TECPR2: variants seen among roughly 807,000 people sequenced by gnomAD.
The protein encoded by TECPR2 is tectonin beta-propeller repeat-containing protein 2.
TECPR2 carries 65 observed loss-of-function variants against 138.1 expected under a neutral mutation model. The ratio of observed to expected loss-of-function variants is 0.47; its 90% CI spans 0.39 to 0.58. The LOEUF (loss-of-function observed/expected upper bound fraction) is 0.58, where lower values mean the gene tolerates loss of function less well. Ranked by LOEUF, TECPR2 falls within the 20% of genes least tolerant of loss-of-function variation. The pLI is 0.00. For synonymous variants in TECPR2, 746 were observed against 749.8 expected (o/e 0.99, Z 0.08); for missense variants, 1,553 against 1,824.5 (o/e 0.85, Z 2.71).
Position 102,407,379 on chromosome 14 carries a change from C to T in TECPR2, c.261C>T (p.Cys87=), listed in dbSNP as rs747135064. 1 of 1,613,548 alleles carries T rather than the reference C, an allele frequency of 6.2e-7. No individual in the cohort carries two copies. Among genetic ancestry groups the T allele is most frequent in the Non-Finnish European group, 8.5e-7 (1 of 1,179,802 alleles). ...ESITVVKLLS[C]FDDLVAAGTA... is the part of the protein sequence containing the mutation. The stretch of plus-strand genomic sequence containing the variant: ...TCACTGTGGTGAAGCTGCTGAGCTG[C>T]TTTGATGACCTGGTGGCAGCAGGCA... Residue 87 remains cysteine, a synonymous_variant, in exon 3 of 20, where the codon TGC becomes TGT. Transcript: ENST00000359520.
At chr14:102,366,434 C>T (rs532974878) in intron 1 of TECPR2, among the ~76,000 whole-genome samples, 26 of 152,310 alleles carry the variant, frequency 1.7e-4, no homozygotes, top group African/African-American at 5.8e-4. Context: ...GCAGCCTCCA[C>T]CTCCCAGGTT....
intron 17 of TECPR2, among the ~76,000 whole-genome samples, chr14:102,481,501 G>A (rs903662797): frequency 7.2e-5 from 11 of 152,170 alleles, no homozygotes; most frequent in African/African-American, 2.2e-4. Flanking sequence ...GTGGTGGTAT[G>A]TGCCTCTAGT....
At chr14:102,383,160 G>A (rs1275179925) in intron 2 of TECPR2, among the ~76,000 whole-genome samples, 1 of 152,164 alleles carries the variant, frequency 6.6e-6, no homozygotes, top group African/African-American at 2.4e-5. Context: ...AGATTCTCTT[G>A]TGCTACCTCC....
intron 16 of TECPR2, among the ~76,000 whole-genome samples, chr14:102,462,798 C>T (rs1890438570): frequency 6.6e-6 from 1 of 152,228 alleles, no homozygotes; most frequent in Admixed American, 6.5e-5. Flanking sequence ...ACTAGATTTA[C>T]AATGCACGTA....
Position 102,443,590 on chromosome 14 carries a change from A to G in TECPR2, c.2753-57A>G. On this transcript the variant is annotated intron_variant, in intron 11 of 19. Coordinates refer to ENST00000359520, the MANE Select transcript of TECPR2 (RefSeq NM_014844.5). The surrounding 1 kb of genome is among the most constrained non-coding windows in gnomAD (Gnocchi z 4.9). ...AAAATAAGCCAATAACCAAGTCAAA[A>G]TGAGGTGTGGAGTTCTGACTGTGTG... 8 of 1,382,000 alleles carry G rather than the reference A, an allele frequency of 5.8e-6. No homozygotes were observed. Among genetic ancestry groups the G allele is most frequent in the Non-Finnish European group, 7.6e-6 (8 of 1,051,966 alleles). 85.6% of individuals were successfully genotyped at this position (1,382,000 alleles called of 1,614,324 possible).
chr14:102,391,982 T>TG (rs1888188745), intron 2 of TECPR2, among the ~76,000 whole-genome samples: 1 of 152,078 alleles, frequency 6.6e-6, no homozygotes, highest in African/African-American at 2.4e-5. Context: ...TTTTGTTTGT[T>TG]TTTTGTTTTG....
intron 2 of TECPR2, among the ~76,000 whole-genome samples, chr14:102,382,089 C>T (rs559347048): frequency 3.9e-5 from 6 of 152,186 alleles, no homozygotes; most frequent in South Asian, 4.1e-4. Flanking sequence ...GTCAGGAGAT[C>T]GAGACCATCC....
intron 17 of TECPR2, among the ~76,000 whole-genome samples, chr14:102,467,105 T>C (rs1890562192): frequency 6.6e-6 from 1 of 152,224 alleles, no homozygotes. Context: ...TATTGGCTAC[T>C]GTGAATAATG....
chr14:102,480,854 T>TTG, intron 17 of TECPR2, among the ~76,000 whole-genome samples: 1 of 133,552 alleles, frequency 7.5e-6, no homozygotes, highest in Non-Finnish European at 1.6e-5. Flanking sequence ...TTTTTTTTTT[T>TTG]TTTTTTTTTT....
intron 17 of TECPR2, among the ~76,000 whole-genome samples, chr14:102,475,026 G>A (rs1433291380): frequency 6.6e-6 from 1 of 152,148 alleles, no homozygotes; most frequent in African/African-American, 2.4e-5. Flanking sequence ...ACAGAGCAGC[G>A]GCAAGAACAG....
chr14:102,477,862 G>C (rs1344958521), intron 17 of TECPR2, among the ~76,000 whole-genome samples: 1 of 141,242 alleles, frequency 7.1e-6, no homozygotes, highest in East Asian at 2.2e-4. Flanking sequence ...GTGAACCCAG[G>C]AGGCGGAACT....
chr14:102,499,220 C>T lies in TECPR2; in HGVS notation c.*963C>T, dbSNP rs1366150347. The T allele has an allele frequency of 2.9e-6, 2 of 692,560 alleles. No homozygotes were observed. The highest frequency in any genetic ancestry group is 5.4e-5 in the East Asian group (2 of 37,026). The allele number at this position is 692,560 out of a possible 1,614,324, so 42.9% of individuals were successfully genotyped here. On this transcript the variant is annotated 3_prime_UTR_variant, in exon 20 of 20. Transcript: ENST00000359520. The stretch of plus-strand genomic sequence containing the variant: ...GCGTGGGGGAGCTGAGCAAGGGTCG[C>T]TCACTTAGAAATGTCTTTGGAATGG...
intron 16 of TECPR2, among the ~76,000 whole-genome samples, chr14:102,456,830 C>G: frequency 6.6e-6 from 1 of 151,952 alleles, no homozygotes; most frequent in African/African-American, 2.4e-5. Context: ...ACCTCGTGAT[C>G]TGCTCGCCTC....
chr14:102,441,514 TAA>T (rs755321740), intron 11 of TECPR2, among the ~76,000 whole-genome samples: 21 of 123,458 alleles, frequency 1.7e-4, no homozygotes, highest in East Asian at 2.3e-4. Context: ...CTGTCTCTAC[TAA>T]AAAAAAAAAA....
intron 17 of TECPR2, among the ~76,000 whole-genome samples, chr14:102,470,756 C>T (rs1890638199): frequency 6.6e-6 from 1 of 151,516 alleles, no homozygotes; most frequent in African/African-American, 2.4e-5. Context: ...TCTCCTGCCT[C>T]AGCCTCCCAA....
At chr14:102,390,077 C>T (rs932322566) in intron 2 of TECPR2, among the ~76,000 whole-genome samples, 12 of 152,178 alleles carry the variant, frequency 7.9e-5, no homozygotes, top group African/African-American at 2.4e-4. Context: ...GTGGTTTCTA[C>T]TGAAGGTTAA....
intron 2 of TECPR2, among the ~76,000 whole-genome samples, chr14:102,381,097 ATTACAGGC>A (rs1389425544): frequency 6.6e-6 from 1 of 150,930 alleles, no homozygotes; most frequent in African/African-American, 2.4e-5. Context: ...TGTAGCTAGG[ATTACAGGC>A]ACACGCCACC....
intron 2 of TECPR2, among the ~76,000 whole-genome samples, chr14:102,379,855 A>G (rs1027667079): frequency 2.0e-5 from 3 of 148,674 alleles, no homozygotes; most frequent in Middle Eastern, 3.6e-3. Flanking sequence ...GCTGAAGATC[A>G]CAGTCTTAAA....
intron 1 of TECPR2, among the ~76,000 whole-genome samples, chr14:102,364,436 A>T (rs1039135962): frequency 6.6e-6 from 1 of 152,202 alleles, no homozygotes; most frequent in Non-Finnish European, 1.5e-5. Flanking sequence ...GGTGAACCAG[A>T]CAGACCCTTC....
Sources: gnomAD v4.1 joint callset for allele counts (sites outside exome capture counted in the v4.1 genomes callset) on GRCh38, gnomAD v4.1.1 for gene constraint, Gnocchi (gnomAD v3.1) non-coding constraint, MANE v1.5 for transcripts, NCBI Gene and HGNC (gene_info 2026-07-23, HGNC 2026-07-21) for gene names.